Variants in TRAT1 observed in about 807,000 individuals in gnomAD.
TRAT1 encodes T-cell receptor-associated transmembrane adapter 1.
In TRAT1, 20 loss-of-function variants were observed where a neutral mutation model predicts 20.0. That is an observed-to-expected ratio of 1.00 (90% CI 0.70 to 1.45). TRAT1 has a LOEUF of 1.45. TRAT1 is among the 40% of genes most tolerant of loss of function. The pLI is 0.00. For synonymous variants in TRAT1, 77 were observed against 74.2 expected (o/e 1.04, Z -0.20); for missense variants, 237 against 224.1 (o/e 1.06, Z -0.37).
intron 5 of TRAT1, among the ~76,000 whole-genome samples, chr3:108,850,157 G>T (rs962797188): frequency 1.3e-5 from 2 of 152,058 alleles, no homozygotes; most frequent in Non-Finnish European, 1.5e-5. Context: ...GAACACTTAG[G>T]TACTAAGTAA....
intron 3 of TRAT1, among the ~76,000 whole-genome samples, chr3:108,844,624 A>C (rs760545448): frequency 6.6e-6 from 1 of 151,650 alleles, no homozygotes; most frequent in Non-Finnish European, 1.5e-5. Flanking sequence ...GCGGGCAGAT[A>C]ATGAGGTCAG....
At chr3:108,838,705 T>A (rs1945863480) in intron 2 of TRAT1, among the ~76,000 whole-genome samples, 1 of 152,146 alleles carries the variant, frequency 6.6e-6, no homozygotes, top group Admixed American at 6.5e-5. Context: ...GTTGCTCTGG[T>A]TTCTCTTCAA....
chr3:108,851,564 A>C (rs965126051), intron 5 of TRAT1, among the ~76,000 whole-genome samples: 2 of 151,172 alleles, frequency 1.3e-5, no homozygotes, highest in African/African-American at 4.9e-5. Flanking sequence ...ACTTTTCTCA[A>C]GTTTCCATTT....
At position 108,840,673 on chromosome 3, in the gene TRAT1, C is replaced by G. The variant is rs545270725; in HGVS notation, c.152+1706C>G. 2.0e-5 allele frequency among the ~76,000 whole-genome samples: 3 copies of G among 152,202 alleles called. No individual in the cohort carries two copies. The South Asian group carries it at 6.2e-4, about 32-fold the overall frequency. ...AGGGAGGATATAGGATAGCAAAGAT[C>G]ATTACTATGCCAACCACCAGGAATA... On this transcript the variant is annotated intron_variant, in intron 3 of 5. Transcript: ENST00000295756.
chr3:108,833,472 T>C (rs1050630510), intron 2 of TRAT1, among the ~76,000 whole-genome samples: 2 of 152,038 alleles, frequency 1.3e-5, no homozygotes, highest in East Asian at 1.9e-4. Flanking sequence ...TCAGGACAGA[T>C]TTTTTCCTTT....
At position 108,847,089 on chromosome 3, in the gene TRAT1, A is replaced by G. The variant is rs1261739040; in HGVS notation, c.174A>G (p.Glu58=). The change falls in exon 4 of 6, where the codon GAA becomes GAG. Residue 58 remains glutamate, a synonymous_variant. Coordinates refer to ENST00000295756, the MANE Select transcript of TRAT1 (RefSeq NM_016388.4). ...DHTRVDEYYI[E]DTPIYGNLDD... ...ATAGGGTTGATGAGTATTATATTGA[A>G]GACACACCAATTTATGGTAACTTAG... The G allele has an allele frequency of 6.5e-7, 1 of 1,542,304 alleles. No homozygotes were observed. Among genetic ancestry groups the G allele is most frequent in the South Asian group, 1.2e-5 (1 of 86,000 alleles).
At chr3:108,838,913 T>C (rs373310400) in intron 2 of TRAT1, 21 bp from the exon 3 acceptor site, 9 of 1,586,396 alleles carry the variant, frequency 5.7e-6, no homozygotes, top group Non-Finnish European at 7.8e-6. Flanking sequence ...TTTTAACTTG[T>C]CTATTTTGAA....
In TRAT1 at chr3:108,830,656, A is replaced by G; in HGVS notation, c.8-14A>G. The G allele has an allele frequency of 6.4e-7, 1 of 1,557,202 alleles. No individual in the cohort carries two copies. Among genetic ancestry groups the G allele is most frequent in the Non-Finnish European group, 8.9e-7 (1 of 1,128,404 alleles). On this transcript the variant is annotated splice_polypyrimidine_tract_variant and intron_variant, in intron 1 of 5. Transcript: ENST00000295756. ...CAGCTGTTATATTATGTGTATGTTT[A>G]TTTTAATTTCCAGGAATCTCTGGGT...
At chr3:108,852,093 C>CCA (rs1386440494) in intron 5 of TRAT1, among the ~76,000 whole-genome samples, 1 of 151,846 alleles carries the variant, frequency 6.6e-6, no homozygotes, top group African/African-American at 2.4e-5. Flanking sequence ...AACAACAAAA[C>CCA]CACACAGCCA....
chr3:108,851,324 G>A (rs938889946), intron 5 of TRAT1, among the ~76,000 whole-genome samples: 1 of 152,198 alleles, frequency 6.6e-6, no homozygotes, highest in Non-Finnish European at 1.5e-5. Flanking sequence ...ACTAGGAAGA[G>A]TTAATCAGAA....
intron 3 of TRAT1, among the ~76,000 whole-genome samples, chr3:108,845,776 T>C (rs531432182): frequency 6.6e-6 from 1 of 152,142 alleles, no homozygotes; most frequent in South Asian, 2.1e-4. Flanking sequence ...AAGCAGTCGG[T>C]ACTATTTTAT....
intron 4 of TRAT1, chr3:108,847,363 A>T (rs1945956884): frequency 5.2e-6 from 2 of 385,216 alleles, no homozygotes; most frequent in Non-Finnish European, 9.3e-6. Flanking sequence ...TCTTCATTTC[A>T]CTCTAGTAGT....
chr3:108,835,704 TTTTC>T (rs1292764602), intron 2 of TRAT1, among the ~76,000 whole-genome samples: 1 of 152,154 alleles, frequency 6.6e-6, no homozygotes, highest in East Asian at 1.9e-4. Flanking sequence ...CCATTACTTG[TTTTC>T]TTTATTTTCC....
At chr3:108,831,693 A>C (rs1945795099) in intron 2 of TRAT1, among the ~76,000 whole-genome samples, 1 of 151,902 alleles carries the variant, frequency 6.6e-6, no homozygotes. Context: ...GCATGCACAA[A>C]CACATCCAGC....
At chr3:108,848,962 C>G (rs958502930) in intron 4 of TRAT1, among the ~76,000 whole-genome samples, 21 of 152,098 alleles carry the variant, frequency 1.4e-4, no homozygotes, top group African/African-American at 1.9e-4. Context: ...TCTTACTAAC[C>G]CTTTAGCTCA....
rs1012588844 is a variant in TRAT1, at chr3:108,844,313, G to A, written c.153-2755G>A. Among the ~76,000 whole-genome samples the A allele has an allele frequency of 6.6e-5, 10 of 150,808 alleles. No homozygotes were observed. The East Asian group carries it at 1.9e-3, about 29-fold the overall frequency. ...TTAAGTCCAAGGTGATCAGGTAGAA[G>A]TAGTGATTTTTTTTTTTTTTTTGAG... On this transcript the variant is annotated intron_variant, in intron 3 of 5. Transcript: ENST00000295756.
intron 4 of TRAT1, among the ~76,000 whole-genome samples, chr3:108,848,913 T>A (rs534938023): frequency 6.6e-6 from 1 of 152,208 alleles, no homozygotes; most frequent in East Asian, 1.9e-4. Context: ...TACAAGAAAA[T>A]TCATATGATC....
chr3:108,850,434 A>AAG (rs1945988221), intron 5 of TRAT1, among the ~76,000 whole-genome samples: 1 of 151,882 alleles, frequency 6.6e-6, no homozygotes, highest in South Asian at 2.1e-4. Flanking sequence ...CCTCCCAAGT[A>AAG]GCTGGGATTA....
chr3:108,835,267 G>T (rs1457690826), intron 2 of TRAT1, among the ~76,000 whole-genome samples: 4 of 152,188 alleles, frequency 2.6e-5, no homozygotes, highest in Admixed American at 2.6e-4. Flanking sequence ...CTGACCACAA[G>T]TGTTTGCATC....
Sources: allele counts gnomAD v4.1 joint callset (sites outside exome capture counted in the v4.1 genomes callset), GRCh38; gene constraint gnomAD v4.1.1; transcripts MANE v1.5; gene names NCBI Gene and HGNC (gene_info 2026-07-23, HGNC 2026-07-21).